KLF12: variants seen among roughly 807,000 people sequenced by gnomAD.
The protein encoded by KLF12 is Krueppel-like factor 12.
Under a neutral mutation model 37.8 loss-of-function variants are expected in KLF12, and 9 were observed. The observed-to-expected ratio is 0.24, with a 90% CI of 0.14 to 0.42. The LOEUF (loss-of-function observed/expected upper bound fraction) is 0.42, where lower values mean the gene tolerates loss of function less well. Ranked by LOEUF, KLF12 falls within the 10% of genes least tolerant of loss-of-function variation. KLF12 has a pLI of 1.00. For synonymous variants in KLF12, 208 were observed against 202.1 expected, an observed-to-expected ratio of 1.03 and a Z score of -0.25; for missense variants, 411 against 516.0, an observed-to-expected ratio of 0.80 and a Z score of 1.97.
chr13:73,794,834 C>T (rs1285658313), intron 5 of KLF12, among the ~76,000 whole-genome samples: 1 of 152,174 alleles, frequency 6.6e-6, no homozygotes, highest in Non-Finnish European at 1.5e-5. Flanking sequence ...CAAGGTTCAA[C>T]TTCTTTGTAA....
intron 2 of KLF12, among the ~76,000 whole-genome samples, chr13:73,949,199 C>A (rs1395452342): frequency 6.6e-6 from 1 of 152,166 alleles, no homozygotes; most frequent in East Asian, 1.9e-4. Flanking sequence ...ACCTACCTGT[C>A]CACTCACTTA....
At chr13:74,244,185 G>A in the KLF12 span, among the ~76,000 whole-genome samples, 4 of 152,134 alleles carry the variant, frequency 2.6e-5, no homozygotes, top group African/African-American at 9.7e-5. Flanking sequence ...TAATTGTTAA[G>A]AATTTCATCT....
chr13:74,169,389 T>C, the KLF12 span, among the ~76,000 whole-genome samples: 1 of 152,208 alleles, frequency 6.6e-6, no homozygotes, highest in South Asian at 2.1e-4. Context: ...GTTTTATAGA[T>C]GAAGACATTG....
At chr13:74,127,446 C>T (rs1409832788) in intron 1 of KLF12, among the ~76,000 whole-genome samples, 1 of 152,114 alleles carries the variant, frequency 6.6e-6, no homozygotes, top group African/African-American at 2.4e-5. Context: ...AGAATACCAA[C>T]CGGAACACAG....
At chr13:74,186,142 A>G in the KLF12 span, among the ~76,000 whole-genome samples, 1 of 152,196 alleles carries the variant, frequency 6.6e-6, no homozygotes, top group African/African-American at 2.4e-5. Context: ...AGAAAAAAAC[A>G]CAACAAATAA....
intron 5 of KLF12, among the ~76,000 whole-genome samples, chr13:73,793,351 T>C (rs1881792354): frequency 6.6e-6 from 1 of 152,234 alleles, no homozygotes; most frequent in African/African-American, 2.4e-5. Flanking sequence ...CTTTTATATG[T>C]GATTTTGATA....
At chr13:74,231,787 G>A in the KLF12 span, 1 of 152,032 alleles carries the variant, frequency 6.6e-6, no homozygotes, top group African/African-American at 2.4e-5. Flanking sequence ...TCTTGCACAG[G>A]AATTATTATT....
chr13:73,965,080 T>C (rs1891137954), intron 2 of KLF12, among the ~76,000 whole-genome samples: 1 of 152,132 alleles, frequency 6.6e-6, no homozygotes. Context: ...TCAGGTACAC[T>C]TGTAACCCAT....
At chr13:73,876,372 C>T (rs73216793) in intron 3 of KLF12, among the ~76,000 whole-genome samples, 7,399 of 152,194 alleles carry the variant, frequency 0.049, 239 homozygotes, top group African/African-American at 0.085. Context: ...TTTCTAGGAC[C>T]AGCTTGAGAA....
Position 73,837,326 on chromosome 13 carries a change from T to C in KLF12, c.670+8501A>G, listed in dbSNP as rs567919489. ...TTATTATCATCGAATCTTAGAACTA[T>C]CCTAGTCTATGCCAGATGAAGCAGC... On this transcript the variant is annotated intron_variant, in intron 4 of 7. Transcript: ENST00000377669. Among the ~76,000 whole-genome samples the C allele has an allele frequency of 2.4e-4, 37 of 152,294 alleles. No individual in the cohort carries two copies. In the South Asian group the frequency reaches 7.5e-3, roughly 31 times the overall value.
At chr13:74,160,334 C>G in the KLF12 span, among the ~76,000 whole-genome samples, 2,423 of 152,328 alleles carry the variant, frequency 0.016, 63 homozygotes, top group African/African-American at 0.053. Flanking sequence ...AAATATCCAT[C>G]TACCAGGTCT....
chr13:74,075,647 C>T (rs1221684907), intron 1 of KLF12, among the ~76,000 whole-genome samples: 1 of 152,184 alleles, frequency 6.6e-6, no homozygotes, highest in Non-Finnish European at 1.5e-5. Context: ...CATAAATCTA[C>T]ATTTAATAAC....
chr13:73,924,170 T>C (rs1401009405), intron 3 of KLF12, among the ~76,000 whole-genome samples: 6 of 152,218 alleles, frequency 3.9e-5, no homozygotes, highest in Non-Finnish European at 7.3e-5. Context: ...ACAAAGTACA[T>C]AACGAAGTAT....
the KLF12 span, among the ~76,000 whole-genome samples, chr13:74,234,386 A>C: frequency 6.6e-6 from 1 of 152,194 alleles, no homozygotes; most frequent in Non-Finnish European, 1.5e-5. Context: ...GAATCTAAGC[A>C]AGTGGCTTAA....
chr13:74,072,720 T>C (rs1874344773), intron 1 of KLF12, among the ~76,000 whole-genome samples: 2 of 152,074 alleles, frequency 1.3e-5, no homozygotes, highest in South Asian at 2.1e-4. Flanking sequence ...TTTCTGTGTG[T>C]ATAAATACAT....
chr13:73,852,028 C>T (rs1176429657), intron 3 of KLF12, among the ~76,000 whole-genome samples: 4 of 151,912 alleles, frequency 2.6e-5, no homozygotes, highest in East Asian at 1.9e-4. Flanking sequence ...AGAAGCATCC[C>T]GCAACTCTGG....
chr13:73,873,406 A>G (rs1886563322), intron 3 of KLF12, among the ~76,000 whole-genome samples: 1 of 152,186 alleles, frequency 6.6e-6, no homozygotes, highest in South Asian at 2.1e-4. Flanking sequence ...AAGAGACGGT[A>G]ATTCTCAAAA....
chr13:73,737,404 A>C (rs1877541929), intron 6 of KLF12, among the ~76,000 whole-genome samples: 1 of 152,186 alleles, frequency 6.6e-6, no homozygotes, highest in Non-Finnish European at 1.5e-5. Flanking sequence ...CAACAATGGG[A>C]AAGTGTTATT....
rs67945624 is a variant in KLF12 at position 73,953,970 on chromosome 13, C to CTTT, written c.34-9903_34-9901dup. 2.0e-3 allele frequency among the ~76,000 whole-genome samples: 174 copies of CTTT among 88,532 alleles called. 2 individuals carry two copies. The highest frequency in any genetic ancestry group is 7.3e-3 in the African/African-American group (165 of 22,674). The allele number at this position is 88,532 out of a possible 152,430, so 58.1% of individuals were successfully genotyped here. A position where few individuals can be genotyped will look rare whatever the true frequency, so the allele number is the denominator to read the frequency against. On this transcript the variant is annotated intron_variant, in intron 2 of 7. Coordinates refer to ENST00000377669, the MANE Select transcript of KLF12 (RefSeq NM_007249.5). ...AGTAATTAGGTTTTGTTTTTTCTTTCTTTTTTTTTTTTTTTTTTTTTTTTT... is the reference window on the plus strand; with the variant it reads ...AGTAATTAGGTTTTGTTTTTTCTTTCTTTTTTTTTTTTTTTTTTTTTTTTTTTT...
Sources: gnomAD v4.1 joint callset for allele counts (sites outside exome capture counted in the v4.1 genomes callset) on GRCh38, gnomAD v4.1.1 for gene constraint, MANE v1.5 for transcripts, NCBI Gene and HGNC (gene_info 2026-07-23, HGNC 2026-07-21) for gene names.